The following DLG2 variants were observed in gnomAD, a reference collection of about 807,000 sequenced individuals.
DLG2 encodes discs large MAGUK scaffold protein 2, also known as disks large homolog 2.
In DLG2, 45 loss-of-function variants were observed where a neutral mutation model predicts 132.5. That is an observed-to-expected ratio of 0.34 (90% CI 0.27 to 0.44). DLG2 has a LOEUF of 0.44. Ranked by LOEUF, DLG2 falls within the 20% of genes least tolerant of loss-of-function variation. DLG2 has a pLI of 1.00. For synonymous variants in DLG2, 424 were observed against 419.6 expected (o/e 1.01, Z -0.13); for missense variants, 1,045 against 1,196.9 (o/e 0.87, Z 1.87).
chr11:84,302,589 T>C (rs1410008134), intron 7 of DLG2, among the ~76,000 whole-genome samples: 7 of 152,178 alleles, frequency 4.6e-5, no homozygotes, highest in Non-Finnish European at 1.0e-4. Flanking sequence ...GACTAAAAAG[T>C]TGTTACTACA....
intron 18 of DLG2, among the ~76,000 whole-genome samples, chr11:83,715,311 T>C (rs1306661196): frequency 6.6e-6 from 1 of 152,230 alleles, no homozygotes; most frequent in East Asian, 1.9e-4. Flanking sequence ...GATTGCACTG[T>C]GAATAATTTA....
At chr11:83,922,687 G>C (rs1203005348) in intron 15 of DLG2, among the ~76,000 whole-genome samples, 1 of 152,102 alleles carries the variant, frequency 6.6e-6, no homozygotes, top group Non-Finnish European at 1.5e-5. Flanking sequence ...GTGGGGAACA[G>C]AGTGAGAAGC....
At chr11:84,427,467 T>C (rs1384413807) in intron 7 of DLG2, among the ~76,000 whole-genome samples, 1 of 152,102 alleles carries the variant, frequency 6.6e-6, no homozygotes, top group African/African-American at 2.4e-5. Flanking sequence ...TGCCTTACTG[T>C]TCTTGGGTGG....
At chr11:85,568,412 T>C (rs2077653934) in intron 3 of DLG2, among the ~76,000 whole-genome samples, 1 of 152,186 alleles carries the variant, frequency 6.6e-6, no homozygotes, top group African/African-American at 2.4e-5. Flanking sequence ...TTGGCTTTGG[T>C]ATCAGAGTAA....
At chr11:85,106,499 C>G (rs1449867379) in intron 6 of DLG2, among the ~76,000 whole-genome samples, 1 of 151,874 alleles carries the variant, frequency 6.6e-6, no homozygotes, top group Non-Finnish European at 1.5e-5. Context: ...AATGAGTACC[C>G]CTGATTTACT....
rs377582305 is a variant in DLG2 at position 84,028,383 on chromosome 11, A to G, written c.919+30932T>C. 1.9e-4 allele frequency among the ~76,000 whole-genome samples: 29 copies of G among 152,244 alleles called. No homozygotes were observed. In the East Asian group the frequency reaches 2.7e-3, roughly 14 times the overall value. ...ATTTGGCTTGCTCATGATTAATCAC[A>G]GGAAAGAAAACAACAACAAAACAAA... On this transcript the variant is annotated intron_variant, in intron 11 of 27. Transcript: ENST00000376104.
In DLG2 at chr11:85,332,739, G is replaced by A. The variant is rs191663792; in HGVS notation, c.41-47374C>T. Among the ~76,000 whole-genome samples, 11 of 151,816 alleles carry A rather than the reference G, an allele frequency of 7.2e-5. No homozygotes were observed. In the East Asian group the frequency reaches 7.8e-4, roughly 11 times the overall value. ...TACTTTCCCCATTGTTATTATTGTC[G>A]ACCCTCTCAAAGATCAGATGACTGT... On this transcript the variant is annotated intron_variant, in intron 3 of 27. Transcript: ENST00000376104.
intron 3 of DLG2, among the ~76,000 whole-genome samples, chr11:85,360,984 C>T (rs2084102408): frequency 6.6e-6 from 1 of 151,934 alleles, no homozygotes; most frequent in Non-Finnish European, 1.5e-5. Context: ...AAAGCTCTTC[C>T]CTATAGTATT....
chr11:84,569,251 C>T lies in DLG2; in HGVS notation c.358-34520G>A, dbSNP rs150644739. Among the ~76,000 whole-genome samples, 239 of 152,126 alleles carry T rather than the reference C, an allele frequency of 1.6e-3. 1 individual carries two copies. The highest frequency in any genetic ancestry group is 5.3e-3 in the African/African-American group (221 of 41,480). On this transcript the variant is annotated intron_variant, in intron 6 of 27. Coordinates refer to ENST00000376104, the MANE Select transcript of DLG2 (RefSeq NM_001142699.3). The stretch of plus-strand genomic sequence containing the variant: ...CTAGACTAAATAGTGAAGATCTAGC[C>T]CTGCCAAAGAACCCCTGGAAAGGCC...
intron 2 of DLG2, among the ~76,000 whole-genome samples, chr11:85,612,908 C>T (rs1295125155): frequency 1.3e-5 from 2 of 152,152 alleles, no homozygotes; most frequent in Non-Finnish European, 2.9e-5. Flanking sequence ...ACCACAACCC[C>T]AAACAGACTC....
At chr11:84,589,259 G>C (rs1282510352) in intron 6 of DLG2, among the ~76,000 whole-genome samples, 1 of 152,154 alleles carries the variant, frequency 6.6e-6, no homozygotes, top group Admixed American at 6.5e-5. Context: ...AGAAATATTT[G>C]AGAGTTGCCT....
chr11:85,022,642 T>C (rs1188029100), intron 6 of DLG2, among the ~76,000 whole-genome samples: 1 of 152,118 alleles, frequency 6.6e-6, no homozygotes, highest in Non-Finnish European at 1.5e-5. Flanking sequence ...ATATCTTTAA[T>C]AATAGTGTTT....
At chr11:84,808,936 G>A (rs1301788451) in intron 6 of DLG2, among the ~76,000 whole-genome samples, 3 of 151,870 alleles carry the variant, frequency 2.0e-5, no homozygotes, top group Non-Finnish European at 4.4e-5. Flanking sequence ...GAAGAGGAGA[G>A]AACACATTCC....
At chr11:83,904,170 T>A (rs539639496) in intron 15 of DLG2, among the ~76,000 whole-genome samples, 55 of 152,192 alleles carry the variant, frequency 3.6e-4, no homozygotes, top group Non-Finnish European at 6.9e-4. Context: ...CATGGATACC[T>A]GGACTAAGGG....
chr11:84,752,916 G>A (rs1290941173), intron 6 of DLG2, among the ~76,000 whole-genome samples: 1 of 151,448 alleles, frequency 6.6e-6, no homozygotes, highest in African/African-American at 2.4e-5. Context: ...TTTTATGGCT[G>A]CATAGTATTC....
intron 6 of DLG2, among the ~76,000 whole-genome samples, chr11:84,892,191 T>C (rs1262114989): frequency 3.3e-5 from 5 of 152,168 alleles, no homozygotes; most frequent in South Asian, 2.1e-4. Flanking sequence ...AGGCAACTGA[T>C]GTCATAGGAT....
intron 17 of DLG2, among the ~76,000 whole-genome samples, chr11:83,817,511 T>C (rs1335877669): frequency 6.6e-6 from 1 of 152,152 alleles, no homozygotes; most frequent in Non-Finnish European, 1.5e-5. Context: ...TTATAACCAA[T>C]GGACTCTGAA....
chr11:84,143,980 CA>C, intron 9 of DLG2, among the ~76,000 whole-genome samples: 1 of 152,018 alleles, frequency 6.6e-6, no homozygotes, highest in South Asian at 2.1e-4. Context: ...GTGAGGTTTC[CA>C]AAATTGGGGG....
intron 3 of DLG2, among the ~76,000 whole-genome samples, chr11:85,568,021 T>C (rs1312021031): frequency 2.6e-5 from 4 of 151,590 alleles, no homozygotes; most frequent in African/African-American, 9.7e-5. Context: ...TAGATTTTTT[T>C]TTTTTTTTTT....
Sources: gnomAD v4.1 joint callset for allele counts (sites outside exome capture counted in the v4.1 genomes callset) on GRCh38, gnomAD v4.1.1 for gene constraint, MANE v1.5 for transcripts, NCBI Gene and HGNC (gene_info 2026-07-23, HGNC 2026-07-21) for gene names.